The following DNAH5 variants were observed in gnomAD, a reference collection of about 807,000 sequenced individuals.
DNAH5 encodes axonemal beta dynein heavy chain 5.
DNAH5 carries 372 observed loss-of-function variants against 518.2 expected under a neutral mutation model. The ratio of observed to expected loss-of-function variants is 0.72; its 90% CI spans 0.66 to 0.78. The LOEUF (loss-of-function observed/expected upper bound fraction) is 0.78, where lower values mean the gene tolerates loss of function less well. DNAH5 is among the 30% of genes least tolerant of loss of function. DNAH5 has a pLI of 0.00. For synonymous variants in DNAH5, 2,039 were observed against 2,025.9 expected (o/e 1.01, Z -0.17); for missense variants, 5,523 against 5,687.0 (o/e 0.97, Z 0.93).
Position 13,862,709 on chromosome 5 carries a change from C to T in DNAH5, c.4635G>A (p.Glu1545=), listed in dbSNP as rs1266487680. ...CISAVKERDI[E]QKLKQVINEW... is the part of the protein sequence containing the mutation. ...CATTAATCACTTGCTTCAGCTTTTG[C>T]TCAATGTCTCTCTCTTTCACCGCAC... Residue 1545 remains glutamate (E), a synonymous_variant, in exon 29 of 79, where the codon GAG becomes GAA. Coordinates refer to ENST00000265104, the MANE Select transcript of DNAH5 (RefSeq NM_001369.3). The T allele has an allele frequency of 6.2e-7, 1 of 1,613,952 alleles. No individual in the cohort carries two copies. The highest frequency in any genetic ancestry group is 2.2e-5 in the East Asian group (1 of 44,878).
chr5:13,913,440 A>G (rs1252544196), intron 11 of DNAH5, among the ~76,000 whole-genome samples: 1 of 152,154 alleles, frequency 6.6e-6, no homozygotes, highest in Non-Finnish European at 1.5e-5. Flanking sequence ...GCAAGAATAA[A>G]TAAAACAATA....
chr5:13,814,770 A>G lies in DNAH5; in HGVS notation c.7065T>C (p.Asp2355=), dbSNP rs149045168. The G allele has an allele frequency of 2.1e-4, 339 of 1,614,082 alleles. 2 individuals are homozygous for G. The African/African-American group carries it at 3.5e-3, about 17-fold the overall frequency. The change falls in exon 43 of 79, where the codon GAT becomes GAC. Residue 2355 remains aspartate, a synonymous_variant. Transcript: ENST00000265104. ...WIENLNSVLD[D]NKTLTLANGD... ...CATTGGCAAGGGTTAGAGTTTTGTT[A>G]TCATCCAAAACAGAATTCAGATTTT...
At chr5:13,746,914 G>T (rs1347136879) in intron 65 of DNAH5, among the ~76,000 whole-genome samples, 1 of 151,738 alleles carries the variant, frequency 6.6e-6, no homozygotes, top group African/African-American at 2.4e-5. Context: ...TATACTTTAA[G>T]TTCTAGGGTA....
intron 70 of DNAH5, among the ~76,000 whole-genome samples, chr5:13,724,316 A>G (rs903884807): frequency 6.6e-6 from 1 of 152,248 alleles, no homozygotes; most frequent in African/African-American, 2.4e-5. Flanking sequence ...TCAGACTTGC[A>G]TAGGGCCTAC....
rs148526079 is a variant in DNAH5 at position 13,823,289 on chromosome 5, C to T, written c.6661G>A (p.Glu2221Lys). The change falls in exon 40 of 79, where the codon GAA (glutamate) becomes AAA (lysine). Residue 2221 changes from glutamate to lysine, a missense_variant. This residue lies in a region of DNAH5 where 5,121 missense variants were observed against 5,223.3 expected (regional missense o/e 0.98). Transcript: ENST00000265104. ...TGTCTACTAATTGCTGCTTCCAGTT[C>T]AGGGTAACCTGCCTTGTCCAGAAGA... ...NILLDKAGYP[E>K]LEAAISRQVE... 1.2e-5 allele frequency: 20 copies of T among 1,613,308 alleles called. No homozygotes were observed. Among genetic ancestry groups the T allele is most frequent in the Non-Finnish European group, 1.6e-5 (19 of 1,179,352 alleles).
chr5:14,005,997 C>A (rs117443409), intron 1 of DNAH5, among the ~76,000 whole-genome samples: 4 of 152,148 alleles, frequency 2.6e-5, no homozygotes, highest in Non-Finnish European at 5.9e-5. Flanking sequence ...CTGATTCCTG[C>A]AGCCCCCTGT....
At chr5:13,771,904 T>C (rs1466482464) in intron 55 of DNAH5, among the ~76,000 whole-genome samples, 1 of 152,214 alleles carries the variant, frequency 6.6e-6, no homozygotes, top group Admixed American at 6.5e-5. Context: ...ATAGTACTTA[T>C]CACCATCAGT....
chr5:13,945,172 C>T (rs910699252), upstream of DNAH5, among the ~76,000 whole-genome samples: 3 of 152,214 alleles, frequency 2.0e-5, no homozygotes, highest in African/African-American at 4.8e-5. Context: ...TCCTATGTGG[C>T]TAAACATCTT....
At chr5:13,773,814 T>C (rs1270880880) in intron 55 of DNAH5, among the ~76,000 whole-genome samples, 1 of 151,732 alleles carries the variant, frequency 6.6e-6, no homozygotes, top group African/African-American at 2.4e-5. Flanking sequence ...CAAAGGAAGA[T>C]TTTCCTGAAG....
chr5:13,917,331 TCAC>T, intron 7 of DNAH5, 75 bp from the exon 8 acceptor site: 1 of 1,052,664 alleles, frequency 9.5e-7, no homozygotes, highest in Non-Finnish European at 1.5e-6. Flanking sequence ...CTGCTAAGAG[TCAC>T]CACAAGTCCA....
intron 1 of DNAH5, among the ~76,000 whole-genome samples, chr5:13,940,186 C>T (rs146136058): frequency 5.5e-4 from 83 of 152,218 alleles, no homozygotes; most frequent in Admixed American, 2.8e-3. Flanking sequence ...TCACCTCCCC[C>T]GACATTCCAT....
intron 1 of DNAH5, among the ~76,000 whole-genome samples, chr5:13,992,092 G>T (rs1298959063): frequency 6.6e-6 from 1 of 152,152 alleles, no homozygotes; most frequent in Non-Finnish European, 1.5e-5. Flanking sequence ...AATGAATCAA[G>T]GTTCCTTTTG....
chr5:13,968,347 A>C (rs527440672), intron 1 of DNAH5, among the ~76,000 whole-genome samples: 33 of 152,140 alleles, frequency 2.2e-4, no homozygotes, highest in South Asian at 8.3e-4. Flanking sequence ...TTCCAGTACT[A>C]TGTTGAATAG....
At chr5:13,693,943 A>C (rs1301913902) in intron 78 of DNAH5, among the ~76,000 whole-genome samples, 1 of 152,238 alleles carries the variant, frequency 6.6e-6, no homozygotes, top group East Asian at 1.9e-4. Context: ...AATTCTGAAC[A>C]AGTAAATGAA....
rs769398880 is a variant in DNAH5, at chr5:13,841,764, A to C, written c.5412T>G (p.Ile1804Met). 9.9e-6 allele frequency: 16 copies of C among 1,614,138 alleles called. No individual in the cohort carries two copies. Among genetic ancestry groups the C allele is most frequent in the Non-Finnish European group, 1.4e-5 (16 of 1,180,008 alleles). ...EESQSSLHLV[I>M]RQAAANIQET... Reference sequence around the variant, plus strand: ...CTTGAATATTTGCGGCTGCCTGGCGAATCACAAGATGCAATGAGGACTGAG... The same window carrying C: ...CTTGAATATTTGCGGCTGCCTGGCGCATCACAAGATGCAATGAGGACTGAG... The change falls in exon 33 of 79, where the codon ATT becomes ATG. Residue 1804 changes from isoleucine to methionine, a missense_variant. Physicochemically the swap from Ile to Met is conservative, Grantham distance 10. Around this residue, in one of 3 missense-constraint regions of DNAH5, gnomAD observed 5,121 missense variants for 5,223.3 expected, o/e 0.98. Coordinates refer to ENST00000265104, the MANE Select transcript of DNAH5 (RefSeq NM_001369.3).
intron 5 of DNAH5, 58 bp from the exon 6 acceptor site, chr5:13,920,675 G>T: frequency 6.3e-7 from 1 of 1,597,588 alleles, no homozygotes; most frequent in Admixed American, 1.7e-5. Flanking sequence ...CACAGACTGT[G>T]GGCCCTGTGT....
At position 13,768,970 on chromosome 5, in the gene DNAH5, G is replaced by C. The variant is rs775622128; in HGVS notation, c.9887C>G (p.Ala3296Gly). 6.2e-7 allele frequency: 1 copy of C among 1,614,134 alleles called. No individual in the cohort carries two copies. Among genetic ancestry groups the C allele is most frequent in the South Asian group, 1.1e-5 (1 of 91,084 alleles). The change falls in exon 58 of 79, where the codon GCT (alanine) becomes GGT (glycine). Residue 3296 changes from alanine (A) to glycine (G), a missense_variant. Physicochemically the swap from Ala to Gly is moderately conservative, Grantham distance 60. Transcript: ENST00000265104. ...ATCACATAGATGCACCTGCAATGCA[G>C]CTTCTGCCTCTTCTAAAGCTGGTTT... is the stretch of plus-strand genomic sequence containing the variant. ...AAKPALEEAE[A>G]ALQTIRPSDI...
chr5:13,988,510 A>C (rs897920731), intron 1 of DNAH5, among the ~76,000 whole-genome samples: 21 of 147,914 alleles, frequency 1.4e-4, no homozygotes, highest in East Asian at 4.0e-4. Context: ...CTCTGCCTCC[A>C]GGGTTCAAGT....
intron 1 of DNAH5, among the ~76,000 whole-genome samples, chr5:13,957,032 T>C (rs564379845): frequency 1.2e-4 from 18 of 152,312 alleles, no homozygotes; most frequent in Non-Finnish European, 4.4e-5. Flanking sequence ...TTTATCTAGC[T>C]TTTTTCTTTT....
Sources: allele counts gnomAD v4.1 joint callset (sites outside exome capture counted in the v4.1 genomes callset), GRCh38; gene constraint gnomAD v4.1.1; regional missense constraint gnomAD v4.1.1; transcripts MANE v1.5; gene names NCBI Gene and HGNC (gene_info 2026-07-23, HGNC 2026-07-21).